The following RANBP2 variants were observed in gnomAD, a reference collection of about 807,000 sequenced individuals.
RANBP2 encodes the protein RAN binding protein 2, also known as E3 SUMO-protein ligase RanBP2.
RANBP2 carries 57 observed loss-of-function variants against 303.6 expected under a neutral mutation model. The ratio of observed to expected loss-of-function variants is 0.19; its 90% CI spans 0.15 to 0.23. RANBP2 has a LOEUF of 0.23. Ranked by LOEUF, RANBP2 falls within the 10% of genes least tolerant of loss-of-function variation. The probability of loss-of-function intolerance (pLI) is 1.00; values close to 1 mark genes in which losing one functional copy is unlikely to be tolerated. For missense variants in RANBP2, 3,138 were observed against 3,780.8 expected (o/e 0.83, Z 4.46); for synonymous variants, 1,167 against 1,301.5 (o/e 0.90, Z 2.23).
At chr2:109,063,525 T>G in the RANBP2 span, among the ~76,000 whole-genome samples, 2 of 152,302 alleles carry the variant, frequency 1.3e-5, no homozygotes, top group South Asian at 2.1e-4. Flanking sequence ...AAACACCTGC[T>G]GTCTGCTGCT....
the RANBP2 span, among the ~76,000 whole-genome samples, chr2:108,810,376 A>G: frequency 1.3e-5 from 2 of 152,296 alleles, no homozygotes; most frequent in Admixed American, 1.3e-4. Flanking sequence ...ATTTTATCAA[A>G]TACTTTTTCT....
the RANBP2 span, among the ~76,000 whole-genome samples, chr2:109,369,544 C>A: frequency 6.6e-6 from 1 of 152,098 alleles, no homozygotes; most frequent in East Asian, 1.9e-4. Context: ...AGTCATAAAT[C>A]TTTTTGGTTT....
chr2:108,856,132 A>G, the RANBP2 span, among the ~76,000 whole-genome samples: 22 of 152,216 alleles, frequency 1.4e-4, no homozygotes, highest in East Asian at 9.6e-4. Flanking sequence ...GTGCTTCCCA[A>G]TCCTGGCCTT....
chr2:108,725,890 C>T (rs1377198438), intron 1 of RANBP2, among the ~76,000 whole-genome samples: 2 of 151,980 alleles, frequency 1.3e-5, no homozygotes, highest in African/African-American at 4.8e-5. Context: ...TGGCATTGAG[C>T]AACGTTTTGT....
chr2:109,221,857 A>G, the RANBP2 span, among the ~76,000 whole-genome samples: 2 of 151,902 alleles, frequency 1.3e-5, no homozygotes, highest in Admixed American at 1.3e-4. Context: ...ACTGCTGGGT[A>G]TTTATCCAAA....
chr2:109,735,741 G>A, the RANBP2 span, among the ~76,000 whole-genome samples: 4 of 152,082 alleles, frequency 2.6e-5, no homozygotes, highest in Non-Finnish European at 5.9e-5. Context: ...AGTAAATTTT[G>A]TAAACTCAAG....
rs1187820542 is a variant in RANBP2 at position 108,785,182 on chromosome 2, A to C, written c.*1281A>C. 1 of 152,182 alleles carries C rather than the reference A, an allele frequency of 6.6e-6. No homozygotes were observed. Among genetic ancestry groups the C allele is most frequent in the Non-Finnish European group, 1.5e-5 (1 of 68,032 alleles). 9.4% of individuals were successfully genotyped at this position (152,182 alleles called of 1,614,324 possible). A position where few individuals can be genotyped will look rare whatever the true frequency, so the allele number is the denominator to read the frequency against. On this transcript the variant is annotated 3_prime_UTR_variant, in exon 29 of 29. Transcript: ENST00000283195. ...ATTTGGAAATTGGGTATCCTAAAGC[A>C]AGTAACTGTTCAACCACCAGTCAAA...
chr2:109,012,643 G>A, the RANBP2 span, among the ~76,000 whole-genome samples: 1,091 of 152,302 alleles, frequency 7.2e-3, 4 homozygotes, highest in Middle Eastern at 0.017. Context: ...GGCCAGGCGC[G>A]GTGGCTCACG....
At chr2:109,437,139 T>G in the RANBP2 span, 1 of 1,610,150 alleles carries the variant, frequency 6.2e-7, no homozygotes. Context: ...GGAGCACCAT[T>G]TCAACAGGTA....
At chr2:109,568,373 C>CT in the RANBP2 span, among the ~76,000 whole-genome samples, 30,174 of 129,126 alleles carry the variant, frequency 0.23, 4,219 homozygotes, top group Non-Finnish European at 0.28. Context: ...GCCACACAAT[C>CT]TTTTTTTTTT....
At chr2:109,175,013 C>G in the RANBP2 span, among the ~76,000 whole-genome samples, 1 of 152,204 alleles carries the variant, frequency 6.6e-6, no homozygotes, top group African/African-American at 2.4e-5. Flanking sequence ...GCCCAACTGT[C>G]TTTTGGCTTC....
Position 108,751,862 on chromosome 2 carries a change from A to T in RANBP2, c.1632-9A>T, listed in dbSNP as rs949749735. The T allele has an allele frequency of 1.2e-5, 19 of 1,611,978 alleles. No individual in the cohort carries two copies. Among genetic ancestry groups the T allele is most frequent in the African/African-American group, 1.3e-5 (1 of 74,958 alleles). On this transcript the variant is annotated splice_polypyrimidine_tract_variant and intron_variant, in intron 11 of 28. Coordinates refer to ENST00000283195, the MANE Select transcript of RANBP2 (RefSeq NM_006267.5). ...GAAAGCAATTTTAGTAAATTGAACT[A>T]TTTTTTAGACCTGGAAACGTAGCAA...
the RANBP2 span, chr2:109,129,795 C>T: frequency 1.3e-6 from 2 of 1,538,854 alleles, no homozygotes; most frequent in East Asian, 2.5e-5. Flanking sequence ...TGGAGAGCAT[C>T]GTGTGCTCGC....
the RANBP2 span, among the ~76,000 whole-genome samples, chr2:109,285,087 G>A: frequency 4.6e-5 from 7 of 152,368 alleles, 1 homozygote; most frequent in Admixed American, 2.6e-4. Context: ...GGCCCAGGCA[G>A]CTGTCACCCC....
chr2:109,567,841 T>TA, the RANBP2 span: 2 of 1,610,156 alleles, frequency 1.2e-6, no homozygotes, highest in Non-Finnish European at 1.7e-6. Context: ...ACCTTAGCAA[T>TA]AGTGTCATCA....
chr2:109,197,783 T>C, the RANBP2 span, among the ~76,000 whole-genome samples: 1 of 152,222 alleles, frequency 6.6e-6, no homozygotes, highest in Non-Finnish European at 1.5e-5. Flanking sequence ...TGAGGAAGCC[T>C]GGCATGAAAT....
chr2:108,786,642 CTT>C (rs2149344946), downstream of RANBP2: 2 of 626,206 alleles, frequency 3.2e-6, no homozygotes, highest in East Asian at 6.0e-5. Flanking sequence ...GCACGAGAAA[CTT>C]GGAGGACGCG....
At chr2:109,046,927 T>A in the RANBP2 span, among the ~76,000 whole-genome samples, 1 of 151,972 alleles carries the variant, frequency 6.6e-6, no homozygotes. Flanking sequence ...GAAGGAAGCC[T>A]GCCCCACAGT....
intron 9 of RANBP2, among the ~76,000 whole-genome samples, chr2:108,750,089 T>C (rs1675747202): frequency 6.6e-6 from 1 of 152,250 alleles, no homozygotes; most frequent in South Asian, 2.1e-4. Flanking sequence ...GAGGTTGCAG[T>C]GAGCCAAGAT....
Sources: gnomAD v4.1 joint callset for allele counts (sites outside exome capture counted in the v4.1 genomes callset) on GRCh38, gnomAD v4.1.1 for gene constraint, MANE v1.5 for transcripts, NCBI Gene and HGNC (gene_info 2026-07-23, HGNC 2026-07-21) for gene names.